The following SPTB variants were observed in gnomAD, a reference collection of about 807,000 sequenced individuals.
The protein encoded by SPTB is spectrin beta, erythrocytic.
SPTB carries 45 observed loss-of-function variants against 256.2 expected under a neutral mutation model. The ratio of observed to expected loss-of-function variants is 0.18; its 90% CI spans 0.14 to 0.23. The LOEUF (loss-of-function observed/expected upper bound fraction) is 0.23, where lower values mean the gene tolerates loss of function less well. Ranked by LOEUF, SPTB falls within the 10% of genes least tolerant of loss-of-function variation. The pLI is 1.00. For synonymous variants in SPTB, 1,231 were observed against 1,243.1 expected (o/e 0.99, Z 0.21); for missense variants, 2,715 against 3,040.4 (o/e 0.89, Z 2.52).
At chr14:64,789,950 G>A (rs918772599) in intron 15 of SPTB, among the ~76,000 whole-genome samples, 6 of 152,156 alleles carry the variant, frequency 3.9e-5, no homozygotes, top group African/African-American at 1.4e-4. Context: ...GGTATAGAAT[G>A]AGCATTGTTC....
chr14:64,754,007 C>T (rs1245384458), intron 32 of SPTB: 4 of 662,874 alleles, frequency 6.0e-6, no homozygotes, highest in African/African-American at 3.6e-5. Flanking sequence ...GCTCCATTTC[C>T]ACCCCATTCT....
In SPTB at chr14:64,853,542, G is replaced by A. The variant is rs17102223; in HGVS notation, c.-52+26250C>T. ...GAGAACAGTTTCAGTAGGGCACGGGGACAAGAACCCATGGCAGCAGGGAGT... is the reference window on the plus strand; with the variant it reads ...GAGAACAGTTTCAGTAGGGCACGGGAACAAGAACCCATGGCAGCAGGGAGT... On this transcript the variant is annotated intron_variant, in intron 1 of 35. Transcript: ENST00000644917. The surrounding 1 kb of genome is among the most constrained non-coding windows in gnomAD (Gnocchi z 4.3). 0.029 allele frequency among the ~76,000 whole-genome samples: 4,454 copies of A among 152,298 alleles called. 102 individuals carry two copies. Among genetic ancestry groups the A allele is most frequent in the South Asian group, 0.12 (583 of 4,830 alleles).
intron 20 of SPTB, 113 bp downstream of exon 20, chr14:64,782,177 T>C (rs1158109901): frequency 2.0e-6 from 3 of 1,479,018 alleles, no homozygotes; most frequent in East Asian, 2.3e-5. Flanking sequence ...TGTTTATCTA[T>C]GTGACAAACC....
At chr14:64,804,262 T>A (rs1338593550) in intron 3 of SPTB, among the ~76,000 whole-genome samples, 2 of 152,224 alleles carry the variant, frequency 1.3e-5, no homozygotes, top group Admixed American at 1.3e-4. Context: ...CTAGTGGAAT[T>A]TCAATGCAGG....
intron 2 of SPTB, among the ~76,000 whole-genome samples, chr14:64,813,270 G>T (rs895090183): frequency 6.6e-6 from 1 of 152,164 alleles, no homozygotes; most frequent in East Asian, 1.9e-4. Context: ...AGTCAAAAAA[G>T]TTTCTTTCTT....
rs2083396627 is a variant in SPTB, at chr14:64,827,759, C to T, written c.-51-4614G>A. On this transcript the variant is annotated intron_variant, in intron 1 of 35. Coordinates refer to ENST00000644917, the MANE Select transcript of SPTB (RefSeq NM_001355436.2). The surrounding 1 kb of genome is among the most constrained non-coding windows in gnomAD (Gnocchi z 4.6). The stretch of plus-strand genomic sequence containing the variant: ...CTGCAGCCCTAACCTCCTCCCTACT[C>T]TCAAGCTCTAGTCTGGCACCTCCAT... 6.6e-6 allele frequency among the ~76,000 whole-genome samples: 1 copy of T among 152,234 alleles called. No individual in the cohort carries two copies. Among genetic ancestry groups the T allele is most frequent in the Non-Finnish European group, 1.5e-5 (1 of 68,048 alleles).
chr14:64,794,562 A>G lies in SPTB; in HGVS notation c.1700T>C (p.Leu567Pro). ...GKHLLEVEDLLQKHKLMEADI... is the reference protein window; with the variant it reads ...GKHLLEVEDLPQKHKLMEADI... Reference sequence around the variant, plus strand: ...AGCTTCCATCAACTTGTGCTTCTGTAGCAGGTCTTCAACCTCCAACAAGTG... The same window carrying G: ...AGCTTCCATCAACTTGTGCTTCTGTGGCAGGTCTTCAACCTCCAACAAGTG... Residue 567 changes from leucine to proline, a missense_variant, in exon 13 of 36, where the codon CTA (leucine) becomes CCA (proline). By Grantham distance (98) the Leu-to-Pro change is moderately conservative. This residue lies in a region of SPTB where 2,239 missense variants were observed against 2,384.4 expected (regional missense o/e 0.94). Coordinates refer to ENST00000644917, the MANE Select transcript of SPTB (RefSeq NM_001355436.2). 1 of 1,614,158 alleles carries G rather than the reference A, an allele frequency of 6.2e-7. No homozygotes were observed. The highest frequency in any genetic ancestry group is 8.5e-7 in the Non-Finnish European group (1 of 1,180,030).
Position 64,800,896 on chromosome 14 carries a change from G to A in SPTB, c.764-28C>T. 1.9e-6 allele frequency: 3 copies of A among 1,574,828 alleles called. No homozygotes were observed. The South Asian group carries it at 3.4e-5, about 18-fold the overall frequency. ...GTTAGGGAAAAGGGTGTACTCTCAGGACCAAACTGGAAGTCGGGAAAGTCA... is the reference window on the plus strand; with the variant it reads ...GTTAGGGAAAAGGGTGTACTCTCAGAACCAAACTGGAAGTCGGGAAAGTCA... On this transcript the variant is annotated intron_variant, in intron 7 of 35. Coordinates refer to ENST00000644917, the MANE Select transcript of SPTB (RefSeq NM_001355436.2).
At chr14:64,819,618 T>C (rs938755080) in intron 2 of SPTB, among the ~76,000 whole-genome samples, 1 of 152,094 alleles carries the variant, frequency 6.6e-6, no homozygotes, top group African/African-American at 2.4e-5. Context: ...AGCCCAGAGC[T>C]CCAAGCACAA....
At chr14:64,855,266 A>G (rs2083853425) in intron 1 of SPTB, among the ~76,000 whole-genome samples, 1 of 152,254 alleles carries the variant, frequency 6.6e-6, no homozygotes, top group Non-Finnish European at 1.5e-5. Flanking sequence ...CAAAATGTCT[A>G]GCAAGAACTA....
rs375686384 is a variant in SPTB, at chr14:64,751,859, G to A, written c.6602+1678C>T. 6.7e-5 allele frequency among the ~76,000 whole-genome samples: 10 copies of A among 149,796 alleles called. No homozygotes were observed. The South Asian group carries it at 1.9e-3, about 29-fold the overall frequency. ...AGCACTTTGGGAGGCTGAGGCAGGC[G>A]GATCATGCGGTCAGGAGTTCGAGAC... On this transcript the variant is annotated intron_variant, in intron 33 of 35. Transcript: ENST00000644917.
Position 64,771,426 on chromosome 14 carries a change from A to G in SPTB, c.5554-297T>C, listed in dbSNP as rs2082276631. On this transcript the variant is annotated intron_variant, in intron 26 of 35. Transcript: ENST00000644917. ...GGAACTACATATCAGGCACTGTTCT[A>G]AACACTTTCTACTGATGAACTCTCT... Among the ~76,000 whole-genome samples the G allele has an allele frequency of 1.3e-5, 2 of 152,204 alleles. 1 individual carries two copies. The highest frequency in any genetic ancestry group is 4.1e-4 in the South Asian group (2 of 4,830).
intron 1 of SPTB, among the ~76,000 whole-genome samples, chr14:64,863,788 G>T (rs997249238): frequency 2.0e-5 from 3 of 152,232 alleles, no homozygotes; most frequent in Admixed American, 2.0e-4. Context: ...AGTGAGAATA[G>T]CATCGGCTTT....
At position 64,796,769 on chromosome 14, in the gene SPTB, T is replaced by A. The variant is rs2082777972; in HGVS notation, c.1183-54A>T. On this transcript the variant is annotated intron_variant, in intron 10 of 35. Transcript: ENST00000644917. The surrounding 1 kb of genome is among the most constrained non-coding windows in gnomAD (Gnocchi z 4.1). ...GGGGCACAGGAGAAATGCCTCACTT[T>A]GGGGGCTCCACCCCTTTCACCCAAC... The A allele has an allele frequency of 6.2e-7, 1 of 1,610,146 alleles. No homozygotes were observed. Among genetic ancestry groups the A allele is most frequent in the East Asian group, 2.2e-5 (1 of 44,880 alleles).
chr14:64,879,060 C>T (rs954964460), intron 1 of SPTB, among the ~76,000 whole-genome samples: 1 of 152,190 alleles, frequency 6.6e-6, no homozygotes, highest in Non-Finnish European at 1.5e-5. Context: ...TGCTATTTCT[C>T]AAGACCAAGT....
rs2082071027 is a variant in SPTB, at chr14:64,760,084, C to CA, written c.6346-6292dup. On this transcript the variant is annotated intron_variant, in intron 32 of 35. Transcript: ENST00000644917. This position sits in a 1 kb window ranked among gnomAD's most constrained non-coding sequence, Gnocchi z 4.3. ...AGAGGGCACAGCCCTTTTGGGGTCTCACAGGATTGTAGTCAAACCAACAGG... is the reference window on the plus strand; with the variant it reads ...AGAGGGCACAGCCCTTTTGGGGTCTCAACAGGATTGTAGTCAAACCAACAGG... Among the ~76,000 whole-genome samples the CA allele has an allele frequency of 6.6e-6, 1 of 152,110 alleles. No homozygotes were observed. The highest frequency in any genetic ancestry group is 2.4e-5 in the African/African-American group (1 of 41,408).
chr14:64,835,430 G>T (rs1429927275), intron 1 of SPTB, among the ~76,000 whole-genome samples: 4 of 152,174 alleles, frequency 2.6e-5, no homozygotes, highest in African/African-American at 9.7e-5. Flanking sequence ...ATTTTTAATA[G>T]AGACGGGGTT....
At chr14:64,766,215 G>A (rs1421250823) in intron 32 of SPTB, among the ~76,000 whole-genome samples, 2 of 142,642 alleles carry the variant, frequency 1.4e-5, no homozygotes, top group Non-Finnish European at 3.0e-5. Flanking sequence ...TGTGCGTGAG[G>A]TGTCTGTATA....
rs544974517 is a variant in SPTB, at chr14:64,827,098, A to G, written c.-51-3953T>C. ...TGGGTTGGTTAAGAACTGAGAAAGC[A>G]GTGGTAGCAGCTCCTCTCCCAGCCT... On this transcript the variant is annotated intron_variant, in intron 1 of 35. Coordinates refer to ENST00000644917, the MANE Select transcript of SPTB (RefSeq NM_001355436.2). The surrounding 1 kb of genome is among the most constrained non-coding windows in gnomAD (Gnocchi z 4.6). Among the ~76,000 whole-genome samples the G allele has an allele frequency of 6.6e-6, 1 of 152,312 alleles. No individual in the cohort carries two copies. The highest frequency in any genetic ancestry group is 1.5e-5 in the Non-Finnish European group (1 of 68,014).
Sources: gnomAD v4.1 joint callset for allele counts (sites outside exome capture counted in the v4.1 genomes callset) on GRCh38, gnomAD v4.1.1 for gene constraint, gnomAD v4.1.1 regional missense constraint, Gnocchi (gnomAD v3.1) non-coding constraint, MANE v1.5 for transcripts, NCBI Gene and HGNC (gene_info 2026-07-23, HGNC 2026-07-21) for gene names.